Variants in AGPAT5 observed in about 807,000 individuals in gnomAD.
AGPAT5 encodes 1-acylglycerol-3-phosphate O-acyltransferase 5.
In AGPAT5, 46 loss-of-function variants were observed where a neutral mutation model predicts 45.6. The observed-to-expected ratio is 1.01, with a 90% CI of 0.80 to 1.29. The LOEUF (loss-of-function observed/expected upper bound fraction) is 1.29. Ranked by LOEUF, AGPAT5 falls within the 50% of genes most tolerant of loss-of-function variation. The pLI is 0.00. For missense variants in AGPAT5, 673 were observed against 450.7 expected (o/e 1.49, Z -4.47); for synonymous variants, 272 against 167.0 (o/e 1.63, Z -4.85).
chr8:6,751,152 T>C (rs1182645678), intron 6 of AGPAT5, among the ~76,000 whole-genome samples: 2 of 152,224 alleles, frequency 1.3e-5, no homozygotes, highest in African/African-American at 4.8e-5. Context: ...TTAAATTATA[T>C]GACATCTGAT....
intron 3 of AGPAT5, among the ~76,000 whole-genome samples, chr8:6,731,424 C>G (rs954066115): frequency 3.9e-5 from 6 of 152,248 alleles, no homozygotes; most frequent in South Asian, 2.1e-4. Context: ...AACCTGTGCA[C>G]TACTTTAAAT....
Position 6,757,471 on chromosome 8 carries a change from T to C in AGPAT5, c.*83T>C, listed in dbSNP as rs373336856. The C allele has an allele frequency of 6.5e-6, 7 of 1,078,092 alleles. No individual in the cohort carries two copies. In the East Asian group the frequency reaches 1.4e-4, roughly 22 times the overall value. The allele number at this position is 1,078,092 out of a possible 1,614,324, so 66.8% of individuals were successfully genotyped here. ...ACATGACATCAAATTGTTTCCTGAATTTATTAAGGAGTGTAAATAAAGCCT... is the reference window on the plus strand; with the variant it reads ...ACATGACATCAAATTGTTTCCTGAACTTATTAAGGAGTGTAAATAAAGCCT... On this transcript the variant is annotated 3_prime_UTR_variant, in exon 8 of 8. Coordinates refer to ENST00000285518, the MANE Select transcript of AGPAT5 (RefSeq NM_018361.5).
chr8:6,761,133 T>C lies in AGPAT5; in HGVS notation c.*3745T>C, dbSNP rs780073336. 3.5e-4 allele frequency among the ~76,000 whole-genome samples: 53 copies of C among 152,184 alleles called. 1 individual carries two copies. Among genetic ancestry groups the C allele is most frequent in the Admixed American group, 2.4e-3 (37 of 15,276 alleles). ...GGTTATCCTGAGCAGGGGAAAAGGT[T>C]ATTTTTAGGAAAACCACTTCAAATA... On this transcript the variant is annotated 3_prime_UTR_variant, in exon 8 of 8. Transcript: ENST00000285518.
rs966134263 is a variant in AGPAT5, at chr8:6,724,163, C to A, written c.220-707C>A. On this transcript the variant is annotated intron_variant, in intron 1 of 7. Transcript: ENST00000285518. ...TTAAAAATAAACTGGAATGATGTTT[C>A]TCTCATACTTACAGAATAAAGTTTT... is the stretch of plus-strand genomic sequence containing the variant. Among the ~76,000 whole-genome samples, 4 of 152,344 alleles carry A rather than the reference C, an allele frequency of 2.6e-5. No individual in the cohort carries two copies. In the East Asian group the frequency reaches 5.8e-4, roughly 22 times the overall value.
intron 2 of AGPAT5, among the ~76,000 whole-genome samples, chr8:6,729,741 G>T (rs1365433890): frequency 2.0e-5 from 3 of 152,198 alleles, no homozygotes; most frequent in African/African-American, 7.2e-5. Context: ...CTTTTTGAAA[G>T]CTCAACTAAC....
chr8:6,755,111 A>G lies in AGPAT5; in HGVS notation c.806A>G (p.Asp269Gly), dbSNP rs1195058438. Residue 269 changes from aspartate to glycine, a missense_variant, in exon 7 of 8, where the codon GAT becomes GGT. Physicochemically the swap from Asp to Gly is moderately conservative, Grantham distance 94 (BLOSUM62 -1). Coordinates refer to ENST00000285518, the MANE Select transcript of AGPAT5 (RefSeq NM_018361.5). ...CACATTGATCGTATCGACAAAAAAG[A>G]TGTCCCAGAAGAACAAGAACATATG... ...HIHIDRIDKK[D>G]VPEEQEHMRR... 12 of 1,608,488 alleles carry G rather than the reference A, an allele frequency of 7.5e-6. No homozygotes were observed. In the South Asian group the frequency reaches 1.1e-4, roughly 15 times the overall value.
chr8:6,744,091 A>C (rs1220845405), intron 5 of AGPAT5, among the ~76,000 whole-genome samples: 1 of 152,090 alleles, frequency 6.6e-6, no homozygotes, highest in East Asian at 1.9e-4. Context: ...GCAAGCTAAT[A>C]ATATTTTATA....
chr8:6,732,270 A>T (rs2116901615), intron 3 of AGPAT5, among the ~76,000 whole-genome samples: 1 of 152,338 alleles, frequency 6.6e-6, no homozygotes, highest in African/African-American at 2.4e-5. Context: ...TTTTATTTTT[A>T]AAAATGTGTA....
At chr8:6,712,070 A>C (rs1414555867) in intron 1 of AGPAT5, among the ~76,000 whole-genome samples, 1 of 152,148 alleles carries the variant, frequency 6.6e-6, no homozygotes, top group East Asian at 1.9e-4. Flanking sequence ...AGTTCTGCCT[A>C]TTCAGTATTT....
chr8:6,724,951 A>T lies in AGPAT5; in HGVS notation c.289+12A>T. 1 of 1,109,536 alleles carries T rather than the reference A, an allele frequency of 9.0e-7. No homozygotes were observed. The highest frequency in any genetic ancestry group is 1.2e-6 in the Non-Finnish European group (1 of 843,314). The allele number at this position is 1,109,536 out of a possible 1,614,324, so 68.7% of individuals were successfully genotyped here. A position where few individuals can be genotyped will look rare whatever the true frequency, so the allele number is the denominator to read the frequency against. The stretch of plus-strand genomic sequence containing the variant: ...TCATCAAAGCACAGGTTTGTATTTC[A>T]TTTGCATGAAACATAGGTTTTTCTA... On this transcript the variant is annotated intron_variant, in intron 2 of 7. Coordinates refer to ENST00000285518, the MANE Select transcript of AGPAT5 (RefSeq NM_018361.5).
intron 3 of AGPAT5, among the ~76,000 whole-genome samples, chr8:6,731,387 A>G (rs1800858052): frequency 6.6e-6 from 1 of 152,208 alleles, no homozygotes; most frequent in South Asian, 2.1e-4. Context: ...CAAGACCCTC[A>G]TATAGAATGG....
At chr8:6,717,864 T>A (rs969567212) in intron 1 of AGPAT5, among the ~76,000 whole-genome samples, 8 of 152,246 alleles carry the variant, frequency 5.3e-5, no homozygotes, top group African/African-American at 1.7e-4. Context: ...ATATGAGAAG[T>A]CTTCTCACTT....
chr8:6,713,571 T>G (rs1800224693), intron 1 of AGPAT5, among the ~76,000 whole-genome samples: 1 of 152,222 alleles, frequency 6.6e-6, no homozygotes, highest in Admixed American at 6.5e-5. Context: ...CTTTTTTTTG[T>G]AAGACAGAAT....
chr8:6,715,712 A>G (rs1397575224), intron 1 of AGPAT5, among the ~76,000 whole-genome samples: 1 of 152,208 alleles, frequency 6.6e-6, no homozygotes, highest in Non-Finnish European at 1.5e-5. Context: ...GAAAGACATG[A>G]ACTGCCAATT....
chr8:6,723,847 C>T (rs999962092), intron 1 of AGPAT5, among the ~76,000 whole-genome samples: 1 of 152,148 alleles, frequency 6.6e-6, no homozygotes, highest in Admixed American at 6.5e-5. Flanking sequence ...TTTCTTTCTT[C>T]TCTTTTTAAG....
At chr8:6,716,407 A>G (rs1293344378) in intron 1 of AGPAT5, among the ~76,000 whole-genome samples, 3 of 152,084 alleles carry the variant, frequency 2.0e-5, no homozygotes, top group Non-Finnish European at 2.9e-5. Flanking sequence ...AAAAAAATAC[A>G]AACACTTACT....
rs142171528 is a variant in AGPAT5, at chr8:6,733,583, A to C, written c.495+933A>C. ...ATCCTGTTATAGCTAACCCTTGAGA[A>C]CCAAGCTTGGTGTCTTCAAAGGGTC... is the stretch of plus-strand genomic sequence containing the variant. On this transcript the variant is annotated intron_variant, in intron 4 of 7. Coordinates refer to ENST00000285518, the MANE Select transcript of AGPAT5 (RefSeq NM_018361.5). Among the ~76,000 whole-genome samples, 13 of 152,270 alleles carry C rather than the reference A, an allele frequency of 8.5e-5. No homozygotes were observed. In the East Asian group the frequency reaches 2.3e-3, roughly 27 times the overall value.
intron 5 of AGPAT5, among the ~76,000 whole-genome samples, chr8:6,744,215 C>G (rs1801345854): frequency 6.6e-6 from 1 of 152,086 alleles, no homozygotes. Context: ...ACAAATGACC[C>G]ACACACTTGA....
chr8:6,727,847 A>G (rs112230217), intron 2 of AGPAT5, among the ~76,000 whole-genome samples: 9 of 152,330 alleles, frequency 5.9e-5, no homozygotes, highest in African/African-American at 1.7e-4. Context: ...CTGTTCTGCA[A>G]TAGGCTGTGT....
Sources: allele counts gnomAD v4.1 joint callset (sites outside exome capture counted in the v4.1 genomes callset), GRCh38; gene constraint gnomAD v4.1.1; transcripts MANE v1.5; gene names NCBI Gene and HGNC (gene_info 2026-07-23, HGNC 2026-07-21).